Variants in ESR2 observed in about 807,000 individuals in gnomAD.
ESR2 encodes the protein estrogen receptor beta.
A neutral mutation model predicts 49.6 loss-of-function variants in ESR2; 36 were observed. The ratio of observed to expected loss-of-function variants is 0.73; its 90% CI spans 0.56 to 0.96. ESR2 has a LOEUF of 0.96. Ranked by LOEUF, ESR2 falls within the 40% of genes least tolerant of loss-of-function variation. The pLI is 0.00. For missense variants in ESR2, 714 were observed against 693.0 expected (o/e 1.03, Z -0.34); for synonymous variants, 320 against 266.1 (o/e 1.20, Z -1.97).
Position 64,282,898 on chromosome 14 carries a change from T to A in ESR2, c.88A>T (p.Ile30Leu). 1 of 1,614,232 alleles carries A rather than the reference T, an allele frequency of 6.2e-7. No individual in the cohort carries two copies. The highest frequency in any genetic ancestry group is 8.5e-7 in the Non-Finnish European group (1 of 1,180,014). Reference protein sequence around the residue: ...QSILPLEHGSIYIPSSYVDSH... With the variant: ...QSILPLEHGSLYIPSSYVDSH... ...TCTACATAGGAGGAAGGTATGTATA[T>A]GGAGCCGTGCTCCAGGGGTAAGATG... Residue 30 changes from isoleucine (I) to leucine (L), a missense_variant, in exon 2 of 9, where the codon ATA becomes TTA. Transcript: ENST00000341099.
chr14:64,320,655 G>T (rs528658363), intron 1 of ESR2, among the ~76,000 whole-genome samples: 35 of 152,310 alleles, frequency 2.3e-4, no homozygotes, highest in African/African-American at 8.2e-4. Context: ...CACTTTGGGA[G>T]GCTGAGGCAG....
At chr14:64,274,437 C>A (rs185004124) in intron 3 of ESR2, among the ~76,000 whole-genome samples, 3 of 151,964 alleles carry the variant, frequency 2.0e-5, no homozygotes, top group African/African-American at 7.3e-5. Context: ...TAGATTTCTG[C>A]GGTATCAGTT....
chr14:64,272,937 A>T (rs1260296534), intron 3 of ESR2, among the ~76,000 whole-genome samples: 1 of 152,120 alleles, frequency 6.6e-6, no homozygotes, highest in Non-Finnish European at 1.5e-5. Flanking sequence ...ATTGCACTGA[A>T]TCTGTAGATT....
chr14:64,310,002 C>A (rs945231409), intron 1 of ESR2, among the ~76,000 whole-genome samples: 1 of 152,078 alleles, frequency 6.6e-6, no homozygotes, highest in African/African-American at 2.4e-5. Context: ...AGGAGAATGG[C>A]GTGAACCCGG....
At chr14:64,305,658 G>A (rs546715759) in intron 1 of ESR2, among the ~76,000 whole-genome samples, 47 of 151,914 alleles carry the variant, frequency 3.1e-4, no homozygotes, top group Non-Finnish European at 5.1e-4. Flanking sequence ...GCAACACAGC[G>A]AGACTCTGTC....
intron 4 of ESR2, 76 bp downstream of exon 4, chr14:64,268,719 T>A (rs2076379885): frequency 1.2e-6 from 1 of 813,584 alleles, no homozygotes; most frequent in Non-Finnish European, 2.1e-6. Context: ...TTTTCCCGGC[T>A]ACCTGTCCCC....
At chr14:64,294,498 C>T (rs1435267922), upstream of ESR2, 2 of 152,256 alleles carry the variant, frequency 1.3e-5, no homozygotes, top group East Asian at 1.9e-4. Flanking sequence ...CGCGCGTGAC[C>T]TCTAAGTGGG....
chr14:64,233,085 T>C lies in ESR2; in HGVS notation c.*52A>G, dbSNP rs535832331. The stretch of plus-strand genomic sequence containing the variant: ...AGCCCAGGCTCCTGACACACTGGAG[T>C]TCACGCTTCAGCCTGTGACCTCTGT... On this transcript the variant is annotated 3_prime_UTR_variant, in exon 9 of 9. Transcript: ENST00000341099. 31 of 1,575,110 alleles carry C rather than the reference T, an allele frequency of 2.0e-5. No individual in the cohort carries two copies. Among genetic ancestry groups the C allele is most frequent in the Middle Eastern group, 4.2e-4 (2 of 4,780 alleles).
intron 1 of ESR2, among the ~76,000 whole-genome samples, chr14:64,309,021 A>T (rs1259871207): frequency 6.6e-6 from 1 of 152,230 alleles, no homozygotes; most frequent in Non-Finnish European, 1.5e-5. Flanking sequence ...TGAAAAGAAA[A>T]GAAAAGAGGA....
At chr14:64,235,187 A>G (rs1224554474) in intron 7 of ESR2, 37 bp from the exon 8 acceptor site, 1 of 1,592,500 alleles carries the variant, frequency 6.3e-7, no homozygotes, top group Non-Finnish European at 8.6e-7. Flanking sequence ...CATTGCTCTG[A>G]GCAAAGGAGC....
intron 4 of ESR2, among the ~76,000 whole-genome samples, chr14:64,267,409 G>A (rs952541710): frequency 3.9e-4 from 60 of 152,256 alleles, no homozygotes; most frequent in African/African-American, 1.4e-3. Flanking sequence ...GCACTGGCAG[G>A]ATGTTCTACA....
At chr14:64,282,523 C>A (rs1469884923) in intron 2 of ESR2, 101 bp downstream of exon 2, 1 of 1,261,960 alleles carries the variant, frequency 7.9e-7, no homozygotes. Flanking sequence ...GTAATTAATA[C>A]AATAAAGACC....
chr14:64,235,156 C>T lies in ESR2; in HGVS notation c.1226-6G>A. The T allele has an allele frequency of 5.0e-6, 8 of 1,609,336 alleles. No homozygotes were observed. Among genetic ancestry groups the T allele is most frequent in the Non-Finnish European group, 6.8e-6 (8 of 1,177,362 alleles). ...TGTGACCAGAGGGTACATACCTGGACAAAGAATAAAAGCCAGAAGTCATTG... is the reference window on the plus strand; with the variant it reads ...TGTGACCAGAGGGTACATACCTGGATAAAGAATAAAAGCCAGAAGTCATTG... On this transcript the variant is annotated splice_region_variant and splice_polypyrimidine_tract_variant and intron_variant, in intron 7 of 8. Transcript: ENST00000341099.
upstream of ESR2, among the ~76,000 whole-genome samples, chr14:64,295,000 C>T (rs563161759): frequency 1.3e-5 from 2 of 152,346 alleles, no homozygotes; most frequent in South Asian, 2.1e-4. Context: ...ACCTGCCCAC[C>T]CCTCTTCTCG....
upstream of ESR2, among the ~76,000 whole-genome samples, chr14:64,295,880 C>A (rs1044782905): frequency 1.3e-5 from 2 of 151,960 alleles, no homozygotes; most frequent in Non-Finnish European, 2.9e-5. Flanking sequence ...CTCGTCTCTA[C>A]TAAAAATACA....
chr14:64,262,233 G>A (rs2076239025), intron 4 of ESR2, among the ~76,000 whole-genome samples: 1 of 151,606 alleles, frequency 6.6e-6, no homozygotes, highest in Non-Finnish European at 1.5e-5. Context: ...TCCCACCTCA[G>A]CCTCCTGGAT....
At chr14:64,267,565 A>G (rs1226720111) in intron 4 of ESR2, among the ~76,000 whole-genome samples, 1 of 152,044 alleles carries the variant, frequency 6.6e-6, no homozygotes. Context: ...AATGCTCACA[A>G]GGCAAAGCTA....
intron 6 of ESR2, among the ~76,000 whole-genome samples, chr14:64,250,313 A>C (rs944448867): frequency 6.6e-6 from 1 of 152,200 alleles, no homozygotes; most frequent in Non-Finnish European, 1.5e-5. Flanking sequence ...GTGGGGAAAA[A>C]TTTTTGACTT....
chr14:64,292,510 A>G (rs1391777563), intron 1 of ESR2, among the ~76,000 whole-genome samples: 1 of 152,230 alleles, frequency 6.6e-6, no homozygotes, highest in Non-Finnish European at 1.5e-5. Context: ...TTGCATATAA[A>G]ACAATGTGCT....
Sources: allele counts gnomAD v4.1 joint callset (sites outside exome capture counted in the v4.1 genomes callset), GRCh38; gene constraint gnomAD v4.1.1; transcripts MANE v1.5; gene names NCBI Gene and HGNC (gene_info 2026-07-23, HGNC 2026-07-21).